The following SEPTIN14 variants were observed in gnomAD, a reference collection of about 807,000 sequenced individuals.
The protein encoded by SEPTIN14 is septin 14.
In SEPTIN14, 40 loss-of-function variants were observed where a neutral mutation model predicts 53.6. The observed-to-expected ratio is 0.75, with a 90% CI of 0.58 to 0.97. The LOEUF is 0.97. SEPTIN14 is among the 50% of genes least tolerant of loss of function. The pLI is 0.00. For missense variants in SEPTIN14, 471 were observed against 508.2 expected, an observed-to-expected ratio of 0.93 and a Z score of 0.70; for synonymous variants, 138 against 166.8, an observed-to-expected ratio of 0.83 and a Z score of 1.33.
At chr7:55,836,831 A>G (rs955167246) in intron 5 of SEPTIN14, among the ~76,000 whole-genome samples, 9 of 152,198 alleles carry the variant, frequency 5.9e-5, no homozygotes, top group African/African-American at 1.9e-4. Context: ...TTTAACTAGA[A>G]ATCTAATTTA....
At chr7:55,856,093 A>C (rs1789619211) in intron 2 of SEPTIN14, among the ~76,000 whole-genome samples, 1 of 152,056 alleles carries the variant, frequency 6.6e-6, no homozygotes, top group South Asian at 2.1e-4. Flanking sequence ...GAATGATCCC[A>C]TCACCCAGGT....
At chr7:55,829,949 C>T (rs1453672251) in intron 6 of SEPTIN14, among the ~76,000 whole-genome samples, 2 of 151,148 alleles carry the variant, frequency 1.3e-5, no homozygotes, top group African/African-American at 2.4e-5. Flanking sequence ...GAGGCCGAGG[C>T]GGGCGGATCA....
intron 7 of SEPTIN14, among the ~76,000 whole-genome samples, chr7:55,816,232 G>A (rs1788787486): frequency 6.6e-6 from 1 of 152,098 alleles, no homozygotes; most frequent in Non-Finnish European, 1.5e-5. Context: ...AGTGGGGATA[G>A]TTGATGGGTA....
chr7:55,861,191 T>C (rs934922428), intron 2 of SEPTIN14, among the ~76,000 whole-genome samples: 7 of 152,144 alleles, frequency 4.6e-5, no homozygotes, highest in African/African-American at 7.2e-5. Context: ...ATTCCTCTGA[T>C]GGTTATTCAT....
intron 5 of SEPTIN14, among the ~76,000 whole-genome samples, chr7:55,836,649 A>G (rs927905083): frequency 1.3e-5 from 2 of 152,100 alleles, no homozygotes; most frequent in African/African-American, 2.4e-5. Flanking sequence ...GAGGCAGGAG[A>G]ATCGCTTGAA....
chr7:55,800,531 GGA>G (rs1460163271), intron 9 of SEPTIN14, among the ~76,000 whole-genome samples: 2 of 152,102 alleles, frequency 1.3e-5, no homozygotes, highest in Non-Finnish European at 2.9e-5. Flanking sequence ...GGCTGAGGCA[GGA>G]GAATCGCTTG....
intron 5 of SEPTIN14, among the ~76,000 whole-genome samples, chr7:55,839,336 C>T (rs1211547558): frequency 2.7e-5 from 4 of 150,462 alleles, no homozygotes; most frequent in Admixed American, 6.7e-5. Context: ...TTGCAGTGAG[C>T]CGAGATTGTG....
At chr7:55,811,069 G>T in intron 7 of SEPTIN14, 2 of 456,800 alleles carry the variant, frequency 4.4e-6, no homozygotes, top group Non-Finnish European at 8.4e-6. Context: ...TCATCTACTT[G>T]TATCACCTTT....
In SEPTIN14 at chr7:55,856,731, C is replaced by T. The variant is rs1036818959; in HGVS notation, c.54+5212G>A. ...TTTAATCCAATCTGCCACTGATGGACACCTAGGTTGATTCCATGTCTCAGC... is the reference window on the plus strand; with the variant it reads ...TTTAATCCAATCTGCCACTGATGGATACCTAGGTTGATTCCATGTCTCAGC... On this transcript the variant is annotated intron_variant, in intron 2 of 9. Transcript: ENST00000388975. 2.0e-5 allele frequency among the ~76,000 whole-genome samples: 3 copies of T among 152,210 alleles called. No homozygotes were observed. In the South Asian group the frequency reaches 6.2e-4, roughly 32 times the overall value.
intron 2 of SEPTIN14, among the ~76,000 whole-genome samples, chr7:55,856,342 C>A (rs190885304): frequency 7.9e-5 from 12 of 152,170 alleles, no homozygotes; most frequent in African/African-American, 2.4e-4. Flanking sequence ...CTGCAAAGGA[C>A]ACATTTCATT....
intron 5 of SEPTIN14, among the ~76,000 whole-genome samples, chr7:55,839,246 G>A (rs548235490): frequency 3.9e-5 from 6 of 151,950 alleles, no homozygotes; most frequent in East Asian, 1.9e-4. Flanking sequence ...AAAATTAGCC[G>A]GGCGTGGTAG....
At chr7:55,811,291 A>G (rs1207009457) in intron 7 of SEPTIN14, 9 of 513,966 alleles carry the variant, frequency 1.8e-5, no homozygotes, top group Non-Finnish European at 7.9e-6. Flanking sequence ...TGCCTGTCAG[A>G]CTCAATTGGC....
rs973646101 is a variant in SEPTIN14 at position 55,795,141 on chromosome 7, AG to A, written c.*771del. 6.6e-6 allele frequency: 1 copy of A among 152,192 alleles called. No individual in the cohort carries two copies. Among genetic ancestry groups the A allele is most frequent in the African/African-American group, 2.4e-5 (1 of 41,446 alleles). 9.4% of individuals were successfully genotyped at this position (152,192 alleles called of 1,614,324 possible). ...TCATAAAAACTGTCAAGAAATTATC[AG>A]TAGTAGAACTTAAAAAGGAAAATAG... On this transcript the variant is annotated 3_prime_UTR_variant, in exon 10 of 10. Transcript: ENST00000388975.
At chr7:55,811,321 T>C in intron 7 of SEPTIN14, 1 of 509,668 alleles carries the variant, frequency 2.0e-6, no homozygotes, top group Non-Finnish European at 4.0e-6. Flanking sequence ...ATTTCCACTT[T>C]GCAGTCGAAG....
intron 7 of SEPTIN14, among the ~76,000 whole-genome samples, chr7:55,816,257 C>G (rs1054208719): frequency 3.3e-5 from 5 of 151,640 alleles, no homozygotes; most frequent in African/African-American, 1.2e-4. Flanking sequence ...TATATAGTTA[C>G]ATAGAATGAA....
intron 5 of SEPTIN14, among the ~76,000 whole-genome samples, chr7:55,838,495 T>A (rs1175124278): frequency 6.7e-6 from 1 of 150,034 alleles, no homozygotes; most frequent in East Asian, 2.0e-4. Context: ...CCTCCTTCTT[T>A]CTTTTCTTCC....
intron 4 of SEPTIN14, among the ~76,000 whole-genome samples, 153 bp downstream of exon 4, chr7:55,844,370 A>G (rs1361167136): frequency 6.6e-6 from 1 of 152,226 alleles, no homozygotes; most frequent in African/African-American, 2.4e-5. Flanking sequence ...AATTATATAC[A>G]AAAGTATTAA....
At chr7:55,858,440 C>T (rs965336111) in intron 2 of SEPTIN14, among the ~76,000 whole-genome samples, 6 of 151,114 alleles carry the variant, frequency 4.0e-5, no homozygotes, top group Non-Finnish European at 8.8e-5. Flanking sequence ...AGGGTGAAAT[C>T]ATCATCAGAA....
At chr7:55,809,290 A>C (rs1202588973) in intron 7 of SEPTIN14, among the ~76,000 whole-genome samples, 1 of 150,138 alleles carries the variant, frequency 6.7e-6, no homozygotes, top group Non-Finnish European at 1.5e-5. Context: ...GAGTGAGGAC[A>C]GAAAAGCTAC....
Sources: allele counts gnomAD v4.1 joint callset (sites outside exome capture counted in the v4.1 genomes callset), GRCh38; gene constraint gnomAD v4.1.1; transcripts MANE v1.5; gene names NCBI Gene and HGNC (gene_info 2026-07-23, HGNC 2026-07-21).